The following BMP2K variants were observed in gnomAD, a reference collection of about 807,000 sequenced individuals.
BMP2K encodes the protein BMP-2-inducible protein kinase.
BMP2K carries 74 observed loss-of-function variants against 116.0 expected under a neutral mutation model. That is an observed-to-expected ratio of 0.64 (90% CI 0.53 to 0.77). BMP2K has a LOEUF of 0.77. Ranked by LOEUF, BMP2K falls within the 30% of genes least tolerant of loss-of-function variation. The pLI, the probability that BMP2K is intolerant of heterozygous loss-of-function variation, is 0.00. For synonymous variants in BMP2K, 486 were observed against 502.5 expected, an observed-to-expected ratio of 0.97 and a Z score of 0.44; for missense variants, 1,365 against 1,403.6, an observed-to-expected ratio of 0.97 and a Z score of 0.44.
At chr4:78,838,146 A>T (rs1027819168) in intron 3 of BMP2K, among the ~76,000 whole-genome samples, 1 of 152,196 alleles carries the variant, frequency 6.6e-6, no homozygotes, top group African/African-American at 2.4e-5. Context: ...GCAGACAGAG[A>T]GGGTTTGTGC....
chr4:78,825,729 C>T (rs922063109), intron 1 of BMP2K, among the ~76,000 whole-genome samples: 2 of 152,174 alleles, frequency 1.3e-5, no homozygotes, highest in Admixed American at 1.3e-4. Context: ...ATATACCAAA[C>T]TTTAGTAACA....
chr4:78,814,832 C>T (rs1729255173), intron 1 of BMP2K, among the ~76,000 whole-genome samples: 1 of 152,024 alleles, frequency 6.6e-6, no homozygotes, highest in Non-Finnish European at 1.5e-5. Context: ...ATATAGTTTG[C>T]TGCTCTTGAT....
At chr4:78,803,357 A>G (rs936207208) in intron 1 of BMP2K, among the ~76,000 whole-genome samples, 8 of 152,038 alleles carry the variant, frequency 5.3e-5, no homozygotes, top group Non-Finnish European at 7.4e-5. Flanking sequence ...AAAAATTGCT[A>G]TTAAAAATAG....
In BMP2K at chr4:78,911,105, A is replaced by T; in HGVS notation, c.2558A>T (p.Gln853Leu). ...SSDVAVETPK[Q>L]EFDVFGAVPF... ...GATGTTGCAGTGGAGACTCCCAAAC[A>T]GGAGTTTGATGTATTTGGCGCTGTC... is the stretch of plus-strand genomic sequence containing the variant. The change falls in exon 16 of 16, where the codon CAG (glutamine) becomes CTG (leucine). Residue 853 changes from glutamine to leucine, a missense_variant. Coordinates refer to ENST00000502613, the MANE Select transcript of BMP2K (RefSeq NM_198892.2). 1 of 1,613,958 alleles carries T rather than the reference A, an allele frequency of 6.2e-7. No homozygotes were observed. Among genetic ancestry groups the T allele is most frequent in the South Asian group, 1.1e-5 (1 of 91,090 alleles).
At chr4:78,811,475 T>G (rs182718246) in intron 1 of BMP2K, among the ~76,000 whole-genome samples, 1 of 152,252 alleles carries the variant, frequency 6.6e-6, no homozygotes, top group Non-Finnish European at 1.5e-5. Context: ...GTCTATCTTA[T>G]TAGAATTTCA....
chr4:78,786,174 G>T (rs1727716381), intron 1 of BMP2K, among the ~76,000 whole-genome samples: 1 of 152,054 alleles, frequency 6.6e-6, no homozygotes, highest in South Asian at 2.1e-4. Context: ...TTTAGTGATG[G>T]GGCCCTTGGG....
At chr4:78,881,246 CTTAAGAGGTT>C (rs915647008) in intron 14 of BMP2K, among the ~76,000 whole-genome samples, 3 of 152,058 alleles carry the variant, frequency 2.0e-5, no homozygotes, top group African/African-American at 7.2e-5. Flanking sequence ...TATGTCATGA[CTTAAGAGGTT>C]TTTGGCTTTT....
intron 4 of BMP2K, among the ~76,000 whole-genome samples, chr4:78,844,209 A>G (rs546745051): frequency 1.3e-4 from 19 of 151,844 alleles, no homozygotes; most frequent in African/African-American, 4.3e-4. Context: ...TGGCAGATTC[A>G]TATTCTAATT....
chr4:78,911,547 G>T lies in BMP2K; in HGVS notation c.3000G>T (p.Thr1000=), dbSNP rs774549130. 25 of 1,613,872 alleles carry T rather than the reference G, an allele frequency of 1.5e-5. No individual in the cohort carries two copies. The highest frequency in any genetic ancestry group is 2.2e-5 in the East Asian group (1 of 44,878). ...GTAATGGGAAGCGGCATCATGGCAC[G>T]CCAACTAGCACAAAGAAGACTTTGA... ...SKSNGKRHHG[T]PTSTKKTLKP... is the part of the protein sequence containing the mutation. The change falls in exon 16 of 16, where the codon ACG becomes ACT. Residue 1000 remains threonine (T), a synonymous_variant. Coordinates refer to ENST00000502613, the MANE Select transcript of BMP2K (RefSeq NM_198892.2).
chr4:78,829,787 T>TCTTCTCTTCTCTTCTC (rs1730089748), intron 2 of BMP2K, among the ~76,000 whole-genome samples: 1 of 86,594 alleles, frequency 1.2e-5, no homozygotes, highest in Non-Finnish European at 2.3e-5. Flanking sequence ...TTTCTTTTCT[T>TCTTCTCTTCTCTTCTC]TTCTCTTCTC....
At chr4:78,835,195 A>G (rs1228226614) in intron 3 of BMP2K, among the ~76,000 whole-genome samples, 1 of 152,248 alleles carries the variant, frequency 6.6e-6, no homozygotes, top group African/African-American at 2.4e-5. Flanking sequence ...AAGAATGATC[A>G]TATCTGTTTT....
intron 12 of BMP2K, 127 bp from the exon 13 acceptor site, chr4:78,872,487 G>C (rs1732413299): frequency 3.7e-6 from 3 of 803,530 alleles, no homozygotes; most frequent in Admixed American, 6.0e-5. Flanking sequence ...TGCTTCTGTA[G>C]ATGATTGTTT....
intron 15 of BMP2K, among the ~76,000 whole-genome samples, chr4:78,903,768 T>C (rs955799262): frequency 6.6e-6 from 1 of 151,990 alleles, no homozygotes; most frequent in Non-Finnish European, 1.5e-5. Flanking sequence ...GTGGCTTTTA[T>C]TTTTTGGGCA....
intron 1 of BMP2K, among the ~76,000 whole-genome samples, chr4:78,813,300 T>C (rs565211095): frequency 1.3e-4 from 20 of 152,336 alleles, no homozygotes; most frequent in African/African-American, 4.8e-4. Context: ...CACTATTAAA[T>C]TGCAGCAGAT....
intron 9 of BMP2K, among the ~76,000 whole-genome samples, 158 bp from the exon 10 acceptor site, chr4:78,865,399 C>T (rs1000248260): frequency 2.6e-5 from 4 of 151,932 alleles, no homozygotes; most frequent in African/African-American, 4.8e-5. Context: ...GTTTAGTAAA[C>T]GTTTAATACT....
chr4:78,783,665 G>A (rs1407153741), intron 1 of BMP2K, among the ~76,000 whole-genome samples: 1 of 152,088 alleles, frequency 6.6e-6, no homozygotes, highest in Non-Finnish European at 1.5e-5. Flanking sequence ...TATTAGCCGG[G>A]CATAGTGGCA....
Position 78,842,518 on chromosome 4 carries a change from G to T in BMP2K, c.537G>T (p.Arg179=). The T allele has an allele frequency of 6.4e-7, 1 of 1,574,692 alleles. No homozygotes were observed. The highest frequency in any genetic ancestry group is 8.7e-7 in the Non-Finnish European group (1 of 1,152,804). The change falls in exon 4 of 16, where the codon CGG becomes CGT. Residue 179 remains arginine, a synonymous_variant. Transcript: ENST00000502613. ...LHQCKTPIIH[R]DLKVENILLN... ...AGTGTAAGACTCCAATAATTCACCGGGATCTGAAGGTAAGAACTTTAGAAT... is the reference window on the plus strand; with the variant it reads ...AGTGTAAGACTCCAATAATTCACCGTGATCTGAAGGTAAGAACTTTAGAAT...
At chr4:78,813,511 C>T (rs1437646906) in intron 1 of BMP2K, among the ~76,000 whole-genome samples, 6 of 152,174 alleles carry the variant, frequency 3.9e-5, no homozygotes, top group Non-Finnish European at 5.9e-5. Context: ...TTTACTCTGA[C>T]CTCTCTTATT....
At chr4:78,854,878 C>A (rs1731426947) in intron 7 of BMP2K, among the ~76,000 whole-genome samples, 1 of 151,930 alleles carries the variant, frequency 6.6e-6, no homozygotes, top group Non-Finnish European at 1.5e-5. Context: ...CATGGCCAAT[C>A]TTGTTTCCTC....
Sources: allele counts gnomAD v4.1 joint callset (sites outside exome capture counted in the v4.1 genomes callset), GRCh38; gene constraint gnomAD v4.1.1; transcripts MANE v1.5; gene names NCBI Gene and HGNC (gene_info 2026-07-23, HGNC 2026-07-21).